Variants in SPG11 observed in about 807,000 individuals in gnomAD.
The protein encoded by SPG11 is spatacsin.
In SPG11, 222 loss-of-function variants were observed where a neutral mutation model predicts 274.0. The ratio of observed to expected loss-of-function variants is 0.81; its 90% confidence interval spans 0.73 to 0.91. The LOEUF (loss-of-function observed/expected upper bound fraction) is 0.91. SPG11 is among the 40% of genes least tolerant of loss of function. The pLI is 0.00. For missense variants in SPG11, 3,114 were observed against 2,872.7 expected, an observed-to-expected ratio of 1.08 and a Z score of -1.92; for synonymous variants, 1,144 against 1,039.7, an observed-to-expected ratio of 1.10 and a Z score of -1.93.
At chr15:44,595,617 A>C (rs1407466498) in intron 25 of SPG11, among the ~76,000 whole-genome samples, 158 bp from the exon 26 acceptor site, 3 of 152,244 alleles carry the variant, frequency 2.0e-5, no homozygotes, top group Non-Finnish European at 2.9e-5. Context: ...ATGAGCAACC[A>C]AGGGACTGTT....
At chr15:44,638,558 T>C (rs1433328723) in intron 7 of SPG11, among the ~76,000 whole-genome samples, 2 of 143,728 alleles carry the variant, frequency 1.4e-5, no homozygotes, top group Admixed American at 1.4e-4. Flanking sequence ...AATTTAAGTA[T>C]GTACATTATA....
At chr15:44,655,367 C>T (rs2084909910) in intron 4 of SPG11, among the ~76,000 whole-genome samples, 1 of 152,132 alleles carries the variant, frequency 6.6e-6, no homozygotes, top group South Asian at 2.1e-4. Context: ...CCATGGGACC[C>T]ATATGAAATG....
chr15:44,571,126 A>C (rs557577329), intron 33 of SPG11, among the ~76,000 whole-genome samples: 74 of 152,242 alleles, frequency 4.9e-4, no homozygotes, highest in Admixed American at 1.1e-3. Flanking sequence ...CAATCACTGT[A>C]AGCACAATGA....
At chr15:44,663,210 AGGTCGGGGGAAAG>A (rs1468867921) in intron 1 of SPG11, among the ~76,000 whole-genome samples, 168 bp downstream of exon 1, 1 of 152,230 alleles carries the variant, frequency 6.6e-6, no homozygotes, top group East Asian at 1.9e-4. Context: ...CGAGCGTTTC[AGGTCGGGGGAAAG>A]GTTCTGTGAG....
chr15:44,600,678 A>T, intron 20 of SPG11, 46 bp from the exon 21 acceptor site: 1 of 1,592,712 alleles, frequency 6.3e-7, no homozygotes, highest in Non-Finnish European at 8.6e-7. Flanking sequence ...TATCACCATA[A>T]TTAATTTCAG....
intron 7 of SPG11, among the ~76,000 whole-genome samples, chr15:44,636,859 G>C (rs2084270756): frequency 6.8e-6 from 1 of 147,046 alleles, no homozygotes; most frequent in African/African-American, 2.5e-5. Flanking sequence ...CCAGGAGGCA[G>C]GGGTTGCACT....
rs886051185 is a variant in SPG11, at chr15:44,663,534, C to T, written c.114G>A (p.Met38Ile). The change falls in exon 1 of 40, where the codon ATG (methionine) becomes ATA (isoleucine). Residue 38 changes from methionine to isoleucine, a missense_variant. Physicochemically the swap from Met to Ile is conservative, Grantham distance 10. Transcript: ENST00000261866. ...MLLVPVPAEA[M>I]GQLGSRAQLR... is the part of the protein sequence containing the mutation. Reference sequence around the variant, plus strand: ...GCTGCGCCCGGGAGCCGAGCTGCCCCATCGCCTCGGCGGGGACTGGCACCA... The same window carrying T: ...GCTGCGCCCGGGAGCCGAGCTGCCCTATCGCCTCGGCGGGGACTGGCACCA... 7 of 1,599,034 alleles carry T rather than the reference C, an allele frequency of 4.4e-6. No homozygotes were observed. The highest frequency in any genetic ancestry group is 3.4e-5 in the Admixed American group (2 of 58,132).
At chr15:44,632,204 T>A (rs1349365824) in intron 8 of SPG11, among the ~76,000 whole-genome samples, 1 of 152,228 alleles carries the variant, frequency 6.6e-6, no homozygotes, top group East Asian at 1.9e-4. Flanking sequence ...ATTGGCTCTC[T>A]CCTAATTTCT....
In SPG11 at chr15:44,652,332, T is replaced by TG. The variant is rs1325776932; in HGVS notation, c.870-67dup. The TG allele has an allele frequency of 2.6e-6, 4 of 1,538,744 alleles. No homozygotes were observed. In the Admixed American group the frequency reaches 6.9e-5, roughly 26 times the overall value. On this transcript the variant is annotated intron_variant, in intron 4 of 39. Coordinates refer to ENST00000261866, the MANE Select transcript of SPG11 (RefSeq NM_025137.4). ...ATCAAACCCAAATTTGTGTTACTAC[T>TG]GCTCCTGTTAAAAATAAGAGATTAC...
chr15:44,580,519 C>G (rs1355196625), intron 30 of SPG11, among the ~76,000 whole-genome samples: 2 of 152,246 alleles, frequency 1.3e-5, no homozygotes, highest in Non-Finnish European at 2.9e-5. Flanking sequence ...AGGCTCACGC[C>G]TGTAATCCCA....
At chr15:44,648,138 G>T (rs563621490) in intron 7 of SPG11, among the ~76,000 whole-genome samples, 2 of 152,278 alleles carry the variant, frequency 1.3e-5, no homozygotes, top group African/African-American at 4.8e-5. Context: ...GACCAAATTA[G>T]ATATTCCATG....
intron 1 of SPG11, among the ~76,000 whole-genome samples, chr15:44,661,705 T>C (rs2085113228): frequency 6.6e-6 from 1 of 152,088 alleles, no homozygotes; most frequent in South Asian, 2.1e-4. Context: ...AACTAAGATA[T>C]ACTTAAAAGG....
intron 24 of SPG11, 92 bp downstream of exon 24, chr15:44,596,692 G>T: frequency 4.3e-6 from 2 of 462,248 alleles, no homozygotes; most frequent in East Asian, 5.3e-5. Flanking sequence ...AAAAAAAAAG[G>T]CCTATGTCAT....
At chr15:44,606,672 T>C (rs17515394) in intron 19 of SPG11, among the ~76,000 whole-genome samples, 1,762 of 152,216 alleles carry the variant, frequency 0.012, 25 homozygotes, top group Admixed American at 0.02. Flanking sequence ...TATAAACGGA[T>C]CGTGGGAAAA....
Position 44,573,622 on chromosome 15 carries a change from G to A in SPG11, c.6130C>T (p.Leu2044Phe). The A allele has an allele frequency of 1.2e-6, 2 of 1,614,172 alleles. No homozygotes were observed. The highest frequency in any genetic ancestry group is 2.2e-5 in the East Asian group (1 of 44,870). Residue 2044 changes from leucine (L) to phenylalanine (F), a missense_variant, in exon 32 of 40, where the codon CTT (leucine) becomes TTT (phenylalanine). By Grantham distance (22) the Leu-to-Phe change is conservative (BLOSUM62 0). Transcript: ENST00000261866. ...AGTTCAGCCACAGTATCTGGCTTAAGGCCCTGTGTGCTGATGAAGGCCTGG... is the reference window on the plus strand; with the variant it reads ...AGTTCAGCCACAGTATCTGGCTTAAAGCCCTGTGTGCTGATGAAGGCCTGG... ...RAQAFISTQGLKPDTVAELVA... is the reference protein window; with the variant it reads ...RAQAFISTQGFKPDTVAELVA...
At position 44,595,269 on chromosome 15, in the gene SPG11, A is replaced by C. The variant is rs2083005246; in HGVS notation, c.4625T>G (p.Leu1542Arg). 3.7e-6 allele frequency: 6 copies of C among 1,614,224 alleles called. No homozygotes were observed. The highest frequency in any genetic ancestry group is 5.1e-6 in the Non-Finnish European group (6 of 1,180,022). ...KSKTLIRGFQ[L>R]FFKDSPLLLV... ...AGCAACTATCACTACCTTAAAGAAA[A>C]GCTGGAAACCTCTGATGAGAGTTTT... Residue 1542 changes from leucine (L) to arginine (R), a missense_variant, in exon 26 of 40, where the codon CTT (leucine) becomes CGT (arginine). Leu to Arg is a moderately radical substitution (Grantham distance 102). Transcript: ENST00000261866.
intron 15 of SPG11, among the ~76,000 whole-genome samples, chr15:44,619,487 TTTC>T (rs2141022748): frequency 6.6e-6 from 1 of 152,330 alleles, no homozygotes; most frequent in East Asian, 1.9e-4. Context: ...CCCCTCATTA[TTTC>T]TTAATTCAGC....
intron 7 of SPG11, among the ~76,000 whole-genome samples, chr15:44,637,613 A>G (rs1185150159): frequency 6.6e-6 from 1 of 152,152 alleles, no homozygotes; most frequent in Non-Finnish European, 1.5e-5. Context: ...CCTGGGTTGG[A>G]AAATACATTT....
chr15:44,649,391 T>A (rs910019478), intron 6 of SPG11, among the ~76,000 whole-genome samples: 2 of 152,096 alleles, frequency 1.3e-5, no homozygotes, highest in Admixed American at 1.3e-4. Flanking sequence ...TTTGCTAATT[T>A]AAAAAAATTT....
Sources: allele counts gnomAD v4.1 joint callset (sites outside exome capture counted in the v4.1 genomes callset), GRCh38; gene constraint gnomAD v4.1.1; transcripts MANE v1.5; gene names NCBI Gene and HGNC (gene_info 2026-07-23, HGNC 2026-07-21).